Variants in MCF2L2 observed in about 807,000 individuals in gnomAD.
MCF2L2 encodes MCF.2 cell line derived transforming sequence-like 2, also known as probable guanine nucleotide exchange factor MCF2L2.
Under a neutral mutation model 150.2 loss-of-function variants are expected in MCF2L2, and 102 were observed. The ratio of observed to expected loss-of-function variants is 0.68; its 90% CI spans 0.58 to 0.80. MCF2L2 has a LOEUF of 0.80. Among genes scored for constraint, MCF2L2 ranks in the 30% least tolerant of loss-of-function variants. MCF2L2 has a pLI of 0.00. For missense variants in MCF2L2, 1,256 were observed against 1,372.8 expected (o/e 0.91, Z 1.34); for synonymous variants, 465 against 491.3 (o/e 0.95, Z 0.71).
At chr3:183,339,673 C>T (rs756768685) in intron 4 of MCF2L2, among the ~76,000 whole-genome samples, 20 of 152,276 alleles carry the variant, frequency 1.3e-4, no homozygotes, top group Non-Finnish European at 2.1e-4. Context: ...TGTAATGCTT[C>T]GGGGCAGACT....
chr3:183,257,500 G>A (rs943564415), intron 15 of MCF2L2, among the ~76,000 whole-genome samples: 1 of 152,040 alleles, frequency 6.6e-6, no homozygotes, highest in African/African-American at 2.4e-5. Flanking sequence ...CTACTTTCAG[G>A]GCTGCCCGCT....
At chr3:183,401,195 C>G (rs754849125) in intron 1 of MCF2L2, among the ~76,000 whole-genome samples, 1 of 152,196 alleles carries the variant, frequency 6.6e-6, no homozygotes, top group Non-Finnish European at 1.5e-5. Flanking sequence ...GGATGATATA[C>G]TCAGAGAGAG....
Position 183,311,649 on chromosome 3 carries a change from T to A in MCF2L2, c.877A>T (p.Arg293Trp). 6.2e-7 allele frequency: 1 copy of A among 1,614,026 alleles called. No individual in the cohort carries two copies. Among genetic ancestry groups the A allele is most frequent in the Non-Finnish European group, 8.5e-7 (1 of 1,179,958 alleles). Reference protein sequence around the residue: ...NQLENVTTMERLLVQLDETEK... With the variant: ...NQLENVTTMEWLLVQLDETEK... The stretch of plus-strand genomic sequence containing the variant: ...GCTGATTCCACTTCACTCACTCACC[T>A]TTCCATGGTAGTTACATTCTCAAGT... Residue 293 changes from arginine (R) to tryptophan (W), a missense_variant and splice_region_variant, in exon 8 of 30, where the codon AGG (arginine) becomes TGG (tryptophan). Physicochemically the swap from Arg to Trp is moderately radical, Grantham distance 101 (BLOSUM62 -3). Transcript: ENST00000328913.
At chr3:183,370,784 G>A (rs1346274819) in intron 3 of MCF2L2, among the ~76,000 whole-genome samples, 2 of 119,362 alleles carry the variant, frequency 1.7e-5, no homozygotes, top group South Asian at 2.4e-4. Context: ...CTCGTGACAT[G>A]TAAGACTTAC....
chr3:183,327,850 G>A (rs77357907), intron 5 of MCF2L2, among the ~76,000 whole-genome samples: 6,088 of 152,222 alleles, frequency 0.04, 189 homozygotes, highest in South Asian at 0.069. Context: ...TTTGTCCCTG[G>A]TTCCTGGTAC....
At chr3:183,209,786 G>A (rs1248189214) in intron 22 of MCF2L2, among the ~76,000 whole-genome samples, 1 of 152,078 alleles carries the variant, frequency 6.6e-6, no homozygotes, top group Non-Finnish European at 1.5e-5. Context: ...ACTGCTCCCG[G>A]CCTTCATGCA....
chr3:183,280,823 G>A (rs1281422863), intron 14 of MCF2L2, among the ~76,000 whole-genome samples: 1 of 150,204 alleles, frequency 6.7e-6, no homozygotes, highest in Non-Finnish European at 1.5e-5. Flanking sequence ...ACTCCAGCCT[G>A]GGCAACAGAG....
intron 13 of MCF2L2, among the ~76,000 whole-genome samples, chr3:183,292,252 T>C (rs147555113): frequency 2.4e-3 from 371 of 152,160 alleles, no homozygotes; most frequent in African/African-American, 7.7e-3. Context: ...AAACAAAAAC[T>C]GAAAGAATTT....
At chr3:183,320,936 T>G (rs1729783964) in intron 6 of MCF2L2, among the ~76,000 whole-genome samples, 1 of 152,190 alleles carries the variant, frequency 6.6e-6, no homozygotes, top group Non-Finnish European at 1.5e-5. Flanking sequence ...AGGTAATTAA[T>G]TGGCCTAATT....
At chr3:183,282,211 T>C (rs1333600214) in intron 14 of MCF2L2, among the ~76,000 whole-genome samples, 4 of 151,354 alleles carry the variant, frequency 2.6e-5, no homozygotes, top group Admixed American at 1.3e-4. Context: ...CAGAGTCTTG[T>C]GCTGTCGCCC....
rs2272116 is a variant in MCF2L2, at chr3:183,228,643, G to A, written c.2046-277C>T. ...GAAAGAGAATGAGAAGAACTAGTTG[G>A]GAAAGAGAGGAGAAATGAGAACTAC... On this transcript the variant is annotated intron_variant, in intron 17 of 29. Transcript: ENST00000328913. 7.2e-5 allele frequency among the ~76,000 whole-genome samples: 11 copies of A among 152,228 alleles called. No homozygotes were observed. In the East Asian group the frequency reaches 2.1e-3, roughly 29 times the overall value.
Position 183,311,776 on chromosome 3 carries a change from G to T in MCF2L2, c.754-4C>A. ...TTCCAAGTAATTTCAGCTCATCCTA[G>T]AAAATAAAAGTAGTCTCTCTTAGAA... On this transcript the variant is annotated splice_region_variant and splice_polypyrimidine_tract_variant and intron_variant, in intron 7 of 29. Transcript: ENST00000328913. 6.2e-7 allele frequency: 1 copy of T among 1,612,492 alleles called. No individual in the cohort carries two copies. Among genetic ancestry groups the T allele is most frequent in the Non-Finnish European group, 8.5e-7 (1 of 1,179,468 alleles).
chr3:183,427,661 C>T (rs1485884148), intron 1 of MCF2L2, among the ~76,000 whole-genome samples: 1 of 152,026 alleles, frequency 6.6e-6, no homozygotes, highest in Non-Finnish European at 1.5e-5. Context: ...TCAACGGACT[C>T]GGCAACCACC....
At chr3:183,229,032 G>A (rs1723454563) in intron 17 of MCF2L2, among the ~76,000 whole-genome samples, 2 of 152,170 alleles carry the variant, frequency 1.3e-5, no homozygotes, top group South Asian at 4.1e-4. Flanking sequence ...AATGGGGTTA[G>A]GAAGCAACTG....
intron 1 of MCF2L2, among the ~76,000 whole-genome samples, chr3:183,398,073 G>C (rs1405712116): frequency 6.6e-6 from 1 of 152,148 alleles, no homozygotes; most frequent in Non-Finnish European, 1.5e-5. Context: ...CAATTGCAAT[G>C]AGCCATTGAA....
intron 3 of MCF2L2, among the ~76,000 whole-genome samples, chr3:183,369,236 C>T (rs1340919188): frequency 1.3e-5 from 2 of 152,144 alleles, no homozygotes; most frequent in Non-Finnish European, 2.9e-5. Context: ...CCCTTGCTAA[C>T]CACAATTAGG....
At chr3:183,272,361 G>A in intron 15 of MCF2L2, 2 of 1,000,226 alleles carry the variant, frequency 2.0e-6, no homozygotes, top group Non-Finnish European at 2.4e-6. Flanking sequence ...TAAGGCCTTT[G>A]ACTGCAGAGG....
intron 1 of MCF2L2, among the ~76,000 whole-genome samples, chr3:183,415,629 T>G (rs1168559905): frequency 6.6e-6 from 1 of 152,244 alleles, no homozygotes; most frequent in Non-Finnish European, 1.5e-5. Context: ...CTTGTGTATC[T>G]CTAGTGACTT....
intron 13 of MCF2L2, among the ~76,000 whole-genome samples, chr3:183,292,728 T>C (rs1052487990): frequency 6.6e-6 from 1 of 152,116 alleles, no homozygotes; most frequent in Non-Finnish European, 1.5e-5. Flanking sequence ...ATGGGGAGCA[T>C]ATGGAAGTAT....
Sources: gnomAD v4.1 joint callset for allele counts (sites outside exome capture counted in the v4.1 genomes callset) on GRCh38, gnomAD v4.1.1 for gene constraint, MANE v1.5 for transcripts, NCBI Gene and HGNC (gene_info 2026-07-23, HGNC 2026-07-21) for gene names.